Variants in SLC39A6 observed in about 807,000 individuals in gnomAD.
The protein encoded by SLC39A6 is solute carrier family 39 member 6.
In SLC39A6, 51 loss-of-function variants were observed where a neutral mutation model predicts 63.5. The ratio of observed to expected loss-of-function variants is 0.80; its 90% CI spans 0.64 to 1.01. The LOEUF (loss-of-function observed/expected upper bound fraction) is 1.01, where lower values mean the gene tolerates loss of function less well. Among genes scored for constraint, SLC39A6 ranks in the 50% least tolerant of loss-of-function variants. The pLI is 0.00. For synonymous variants in SLC39A6, 318 were observed against 324.7 expected, an observed-to-expected ratio of 0.98 and a Z score of 0.22; for missense variants, 805 against 927.8, an observed-to-expected ratio of 0.87 and a Z score of 1.72.
At position 36,127,012 on chromosome 18, in the gene SLC39A6, C is replaced by T. The variant is rs768250095; in HGVS notation, c.-5G>A. 11 of 1,588,094 alleles carry T rather than the reference C, an allele frequency of 6.9e-6. No individual in the cohort carries two copies. Among genetic ancestry groups the T allele is most frequent in the Non-Finnish European group, 9.4e-6 (11 of 1,168,134 alleles). ...TACAGATAACTTCCTCGCCATTGCG[C>T]CTTCCTAGAAAAGACAGGAAAAAAA... On this transcript the variant is annotated 5_prime_UTR_variant, in exon 2 of 10. Coordinates refer to ENST00000269187, the MANE Select transcript of SLC39A6 (RefSeq NM_012319.4).
intron 5 of SLC39A6, 80 bp downstream of exon 5, chr18:36,121,972 G>A: frequency 9.9e-7 from 1 of 1,013,168 alleles, no homozygotes; most frequent in Non-Finnish European, 1.5e-6. Flanking sequence ...ACCTGGGCAT[G>A]CTATTCTAAC....
intron 6 of SLC39A6, 136 bp from the exon 7 acceptor site, chr18:36,114,610 A>G: frequency 1.7e-6 from 1 of 595,134 alleles, no homozygotes. Context: ...AGAACTAAAT[A>G]TTAAAGTATT....
chr18:36,127,324 A>G (rs150538406), intron 1 of SLC39A6, among the ~76,000 whole-genome samples: 292 of 152,348 alleles, frequency 1.9e-3, no homozygotes, highest in South Asian at 7.7e-3. Flanking sequence ...TCAACTGCTT[A>G]CTGAAGTTGA....
At chr18:36,118,231 A>T (rs2089364021) in intron 5 of SLC39A6, among the ~76,000 whole-genome samples, 1 of 152,320 alleles carries the variant, frequency 6.6e-6, no homozygotes, top group East Asian at 1.9e-4. Context: ...CATAAGTATT[A>T]AGGGCCCACA....
In SLC39A6 at chr18:36,114,293, G is replaced by C; in HGVS notation, c.1647C>G (p.Gly549=). ...KCHSHFHDTL[G]QSDDLIHHHH... ...GGTGGTGAATGAGATCGTCTGACTG[G>C]CCGAGTGTATCGTGGAAATGTGAAT... Residue 549 remains glycine (G), a synonymous_variant, in exon 7 of 10, where the codon GGC becomes GGG. Transcript: ENST00000269187. The C allele has an allele frequency of 6.2e-7, 1 of 1,614,158 alleles. No homozygotes were observed. Among genetic ancestry groups the C allele is most frequent in the Non-Finnish European group, 8.5e-7 (1 of 1,180,028 alleles).
chr18:36,123,659 C>T lies in SLC39A6; in HGVS notation c.976G>A (p.Val326Ile), dbSNP rs2144510226. 1 of 1,598,524 alleles carries T rather than the reference C, an allele frequency of 6.3e-7. No homozygotes were observed. Among genetic ancestry groups the T allele is most frequent in the East Asian group, 2.2e-5 (1 of 44,636 alleles). ...ATGGAAATGGCTATAAAACCACCAACCCAGGCTGTCAAACAAAACAAAACA... is the reference window on the plus strand; with the variant it reads ...ATGGAAATGGCTATAAAACCACCAATCCAGGCTGTCAAACAAAACAAAACA... The part of the protein sequence containing the change: ...PKTYSLQIAW[V>I]GGFIAISIIS... The change falls in exon 4 of 10, where the codon GTT becomes ATT. Residue 326 changes from valine (V) to isoleucine (I), a missense_variant. This residue lies in a region of SLC39A6 where 639 missense variants were observed against 644.0 expected (regional missense o/e 0.99). Transcript: ENST00000269187.
intron 8 of SLC39A6, among the ~76,000 whole-genome samples, chr18:36,111,757 T>C (rs916645118): frequency 1.3e-5 from 2 of 152,234 alleles, no homozygotes; most frequent in African/African-American, 4.8e-5. Context: ...AGTGCTGGGA[T>C]TAAAGGCGTG....
At chr18:36,120,289 T>C in intron 5 of SLC39A6, among the ~76,000 whole-genome samples, 1 of 152,016 alleles carries the variant, frequency 6.6e-6, no homozygotes. Flanking sequence ...TTAGAAACTA[T>C]TCAATAACAT....
rs568307152 is a variant in SLC39A6, at chr18:36,112,373, T to C, written c.1924+128A>G. 3.4e-4 allele frequency: 240 copies of C among 696,346 alleles called. 1 individual carries two copies. The highest frequency in any genetic ancestry group is 5.0e-4 in the Middle Eastern group (2 of 4,004). The allele number at this position is 696,346 out of a possible 1,614,324, so 43.1% of individuals were successfully genotyped here. On this transcript the variant is annotated intron_variant, in intron 8 of 9. Transcript: ENST00000269187. ...AAGATGATCCCTGATGTCATCAGTA[T>C]GCTGGTTAGCAGACTTATGAGAAGG...
Position 36,126,622 on chromosome 18 carries a change from T to A in SLC39A6, c.386A>T (p.His129Leu), listed in dbSNP as rs2089440342. The part of the protein sequence containing the change: ...EHEHHSDHDH[H>L]SHHNHAASGK... ...AGAAGCAGCATGATTATGGTGAGAGTGATGATCATGGTCAGAGTGATGCTC... is the reference window on the plus strand; with the variant it reads ...AGAAGCAGCATGATTATGGTGAGAGAGATGATCATGGTCAGAGTGATGCTC... The change falls in exon 2 of 10, where the codon CAC (histidine) becomes CTC (leucine). Residue 129 changes from histidine to leucine, a missense_variant. Transcript: ENST00000269187. The A allele has an allele frequency of 6.2e-7, 1 of 1,613,922 alleles. No individual in the cohort carries two copies. The highest frequency in any genetic ancestry group is 1.1e-5 in the South Asian group (1 of 91,086).
rs2089284029 is a variant in SLC39A6, at chr18:36,109,505, G to C, written c.*88C>G. On this transcript the variant is annotated 3_prime_UTR_variant, in exon 10 of 10. Coordinates refer to ENST00000269187, the MANE Select transcript of SLC39A6 (RefSeq NM_012319.4). The stretch of plus-strand genomic sequence containing the variant: ...ATCACAAAACCCACTAACTTTAAAC[G>C]CTGCATAGTACAGCATACAAACTCA... 4.1e-6 allele frequency: 4 copies of C among 971,426 alleles called. No individual in the cohort carries two copies. The highest frequency in any genetic ancestry group is 1.7e-5 in the African/African-American group (1 of 59,908). 60.2% of individuals were successfully genotyped at this position (971,426 alleles called of 1,614,324 possible). A position where few individuals can be genotyped will look rare whatever the true frequency, so the allele number is the denominator to read the frequency against.
chr18:36,128,674 T>C (rs1010091025), intron 1 of SLC39A6, among the ~76,000 whole-genome samples: 2 of 152,184 alleles, frequency 1.3e-5, no homozygotes, highest in Non-Finnish European at 2.9e-5. Flanking sequence ...GGGAGGATGC[T>C]GAGCGCGGTC....
intron 3 of SLC39A6, 85 bp from the exon 4 acceptor site, chr18:36,123,749 C>A: frequency 7.5e-7 from 1 of 1,334,600 alleles, no homozygotes. Flanking sequence ...TAGCATAAAG[C>A]AACACGTAAA....
chr18:36,127,775 A>T (rs140416227), intron 1 of SLC39A6, among the ~76,000 whole-genome samples: 56 of 93,042 alleles, frequency 6.0e-4, no homozygotes, highest in Non-Finnish European at 9.5e-4. Flanking sequence ...TTTTTTTTTT[A>T]AAGTTTTTTT....
chr18:36,114,567 G>C, intron 6 of SLC39A6, 93 bp from the exon 7 acceptor site: 1 of 945,440 alleles, frequency 1.1e-6, no homozygotes, highest in South Asian at 1.7e-5. Flanking sequence ...GTCAACAGAA[G>C]ATCTTAAAGC....
At position 36,126,648 on chromosome 18, in the gene SLC39A6, G is replaced by C. The variant is rs375857170; in HGVS notation, c.360C>G (p.His120Gln). 1.2e-6 allele frequency: 2 copies of C among 1,602,240 alleles called. No individual in the cohort carries two copies. Residue 120 changes from histidine to glutamine, a missense_variant, in exon 2 of 10, where the codon CAC (histidine) becomes CAG (glutamine). This residue lies in a region of SLC39A6 where 639 missense variants were observed against 644.0 expected (regional missense o/e 0.99). Transcript: ENST00000269187. ...RHSDHEHHSE[H>Q]EHHSDHDHHS... ...GATGATCATGGTCAGAGTGATGCTC[G>C]TGCTCTGAGTGATGCTCATGGTCTG...
At chr18:36,124,799 G>C (rs752547322) in intron 2 of SLC39A6, 99 bp from the exon 3 acceptor site, 5 of 965,876 alleles carry the variant, frequency 5.2e-6, no homozygotes, top group Middle Eastern at 2.3e-4. Context: ...TCGTTTTCTC[G>C]AGTTAATGAA....
At chr18:36,116,633 T>C in intron 6 of SLC39A6, 41 bp downstream of exon 6, 1 of 1,346,148 alleles carries the variant, frequency 7.4e-7, no homozygotes, top group Non-Finnish European at 1.1e-6. Flanking sequence ...CATACAGCAA[T>C]GAACTCCCTC....
At chr18:36,110,197 G>C (rs1004390227) in intron 9 of SLC39A6, among the ~76,000 whole-genome samples, 11 of 152,076 alleles carry the variant, frequency 7.2e-5, no homozygotes, top group Non-Finnish European at 1.3e-4. Context: ...GATTGGTTGG[G>C]ATTGTTTTGA....
Sources: allele counts gnomAD v4.1 joint callset (sites outside exome capture counted in the v4.1 genomes callset), GRCh38; gene constraint gnomAD v4.1.1; regional missense constraint gnomAD v4.1.1; transcripts MANE v1.5; gene names NCBI Gene and HGNC (gene_info 2026-07-23, HGNC 2026-07-21).